The following NIPBL variants were observed in gnomAD, a reference collection of about 807,000 sequenced individuals.
NIPBL encodes the protein nipped-B-like protein.
In NIPBL, 19 loss-of-function variants were observed where a neutral mutation model predicts 321.8. That is an observed-to-expected ratio of 0.06 (90% CI 0.04 to 0.09). The LOEUF is 0.09. NIPBL is among the 10% of genes least tolerant of loss of function. The pLI is 1.00. For missense variants in NIPBL, 2,210 were observed against 3,327.0 expected, an observed-to-expected ratio of 0.66 and a Z score of 8.26; for synonymous variants, 1,106 against 1,114.1, an observed-to-expected ratio of 0.99 and a Z score of 0.14.
intron 1 of NIPBL, among the ~76,000 whole-genome samples, chr5:36,937,695 CT>C (rs1206719806): frequency 4.6e-5 from 7 of 152,128 alleles, no homozygotes; most frequent in Non-Finnish European, 1.0e-4. Context: ...ATTTCTGCAT[CT>C]TGGAAATGCT....
chr5:36,986,237 T>G lies in NIPBL; in HGVS notation c.3057T>G (p.Asp1019Glu). The change falls in exon 10 of 47, where the codon GAT becomes GAG. Residue 1019 changes from aspartate to glutamate, a missense_variant. This residue lies in a region of NIPBL where 381 missense variants were observed against 642.3 expected (regional missense o/e 0.59). Transcript: ENST00000282516. Reference protein sequence around the residue: ...SLDDVQKLIKDREDKSRSSLK... With the variant: ...SLDDVQKLIKEREDKSRSSLK... The stretch of plus-strand genomic sequence containing the variant: ...ATGATGTTCAGAAACTTATTAAAGA[T>G]AGAGAGGACAAATCAAGAAGTTCCC... The G allele has an allele frequency of 3.2e-6, 5 of 1,572,128 alleles. No homozygotes were observed. The highest frequency in any genetic ancestry group is 1.4e-5 in the African/African-American group (1 of 72,976).
At chr5:36,921,400 A>G (rs992655576) in intron 1 of NIPBL, among the ~76,000 whole-genome samples, 1 of 152,162 alleles carries the variant, frequency 6.6e-6, no homozygotes, top group Non-Finnish European at 1.5e-5. Context: ...CTAAAGCAAA[A>G]TAAAAAGTAC....
At chr5:37,045,815 C>G (rs1469796850) in intron 37 of NIPBL, among the ~76,000 whole-genome samples, 4 of 152,120 alleles carry the variant, frequency 2.6e-5, no homozygotes, top group East Asian at 1.9e-4. Context: ...ATTTCCCTGA[C>G]AAGTTATATC....
chr5:37,033,941 T>G (rs1449811660), intron 32 of NIPBL, among the ~76,000 whole-genome samples: 1 of 151,030 alleles, frequency 6.6e-6, no homozygotes, highest in Non-Finnish European at 1.5e-5. Flanking sequence ...CTTAAAAGAT[T>G]GAAGAAAGTG....
chr5:36,974,727 C>T (rs1349669471), intron 8 of NIPBL, among the ~76,000 whole-genome samples: 2 of 152,016 alleles, frequency 1.3e-5, no homozygotes, highest in Non-Finnish European at 2.9e-5. Context: ...ATTTAAAATA[C>T]ATTAACCTTG....
At chr5:36,914,291 C>G (rs1748282290) in intron 1 of NIPBL, among the ~76,000 whole-genome samples, 1 of 152,226 alleles carries the variant, frequency 6.6e-6, no homozygotes, top group South Asian at 2.1e-4. Flanking sequence ...TACTTCATCT[C>G]AAGAAATATG....
intron 23 of NIPBL, 147 bp downstream of exon 23, chr5:37,016,317 A>G (rs1748986685): frequency 2.3e-6 from 2 of 864,164 alleles, no homozygotes; most frequent in Admixed American, 2.2e-5. Context: ...ACTGTACACA[A>G]TATTGTCAGT....
In NIPBL at chr5:37,002,801, A is replaced by T. The variant is rs755497003; in HGVS notation, c.3768+36A>T. 4.3e-6 allele frequency: 5 copies of T among 1,159,484 alleles called. No individual in the cohort carries two copies. In the East Asian group the frequency reaches 1.2e-4, roughly 28 times the overall value. 71.8% of individuals were successfully genotyped at this position (1,159,484 alleles called of 1,614,324 possible). The stretch of plus-strand genomic sequence containing the variant: ...AAAGTAAAATTTATAAATTTACTTC[A>T]TAGAAACATTTGAAATTAATTTAAG... On this transcript the variant is annotated intron_variant, in intron 15 of 46. Transcript: ENST00000282516.
At chr5:37,009,983 C>A in intron 20 of NIPBL, 104 bp from the exon 21 acceptor site, 1 of 896,964 alleles carries the variant, frequency 1.1e-6, no homozygotes, top group Non-Finnish European at 1.8e-6. Flanking sequence ...AAGATCATGC[C>A]TAGAAATATT....
intron 6 of NIPBL, among the ~76,000 whole-genome samples, chr5:36,965,715 T>C (rs1251635471): frequency 6.6e-6 from 1 of 152,162 alleles, no homozygotes; most frequent in East Asian, 1.9e-4. Flanking sequence ...AGGTGGTGGA[T>C]ATCTGAATTA....
chr5:36,949,078 C>T (rs753731608), intron 1 of NIPBL, among the ~76,000 whole-genome samples: 2 of 151,802 alleles, frequency 1.3e-5, no homozygotes, highest in Non-Finnish European at 3.0e-5. Context: ...ACATGCCCAG[C>T]ACAGTTCTAA....
chr5:36,949,638 G>C (rs1351716037), intron 1 of NIPBL, among the ~76,000 whole-genome samples: 1 of 151,644 alleles, frequency 6.6e-6, no homozygotes. Flanking sequence ...ATTTCTTTAG[G>C]ATATATTTCT....
At chr5:37,056,173 T>C (rs917117742) in intron 42 of NIPBL, among the ~76,000 whole-genome samples, 1 of 152,180 alleles carries the variant, frequency 6.6e-6, no homozygotes, top group African/African-American at 2.4e-5. Context: ...GGGTTTTATG[T>C]CTACATTTTT....
chr5:36,957,277 C>T (rs752581067), intron 3 of NIPBL, among the ~76,000 whole-genome samples: 2 of 152,198 alleles, frequency 1.3e-5, no homozygotes, highest in East Asian at 1.9e-4. Context: ...CCGCTTTTCC[C>T]GCACCATGAC....
chr5:36,947,507 T>C (rs1739818556), intron 1 of NIPBL, among the ~76,000 whole-genome samples: 1 of 152,042 alleles, frequency 6.6e-6, no homozygotes, highest in South Asian at 2.1e-4. Context: ...CCTTGCAGGC[T>C]CCAATTGACT....
chr5:37,046,998 A>C (rs1298212162), intron 38 of NIPBL, among the ~76,000 whole-genome samples: 1 of 152,208 alleles, frequency 6.6e-6, no homozygotes. Flanking sequence ...TTACACCTGT[A>C]CTAAATATGT....
chr5:36,893,102 A>AAAGTT (rs1746467928), intron 1 of NIPBL, among the ~76,000 whole-genome samples: 4 of 152,176 alleles, frequency 2.6e-5, no homozygotes, highest in Admixed American at 2.6e-4. Flanking sequence ...TCTATTGTGC[A>AAAGTT]AAGTTCTCTT....
At chr5:36,885,330 C>G in intron 1 of NIPBL, 1 of 485,166 alleles carries the variant, frequency 2.1e-6, no homozygotes, top group South Asian at 1.6e-5. Flanking sequence ...GCCAGGGGCT[C>G]TGGTTCGCGG....
At chr5:37,011,734 A>G (rs1416111604) in intron 21 of NIPBL, among the ~76,000 whole-genome samples, 15 of 152,078 alleles carry the variant, frequency 9.9e-5, no homozygotes, top group Non-Finnish European at 1.6e-4. Flanking sequence ...TTGATATACA[A>G]TTATTTCATT....
Sources: allele counts gnomAD v4.1 joint callset (sites outside exome capture counted in the v4.1 genomes callset), GRCh38; gene constraint gnomAD v4.1.1; regional missense constraint gnomAD v4.1.1; transcripts MANE v1.5; gene names NCBI Gene and HGNC (gene_info 2026-07-23, HGNC 2026-07-21).